The following MS4A15 variants were observed in gnomAD, a reference collection of about 807,000 sequenced individuals.
The protein encoded by MS4A15 is membrane-spanning 4-domains subfamily A member 15.
MS4A15 carries 22 observed loss-of-function variants against 20.6 expected under a neutral mutation model. The ratio of observed to expected loss-of-function variants is 1.07; its 90% CI spans 0.76 to 1.52. MS4A15 has a LOEUF of 1.52. Ranked by LOEUF, MS4A15 falls within the 40% of genes most tolerant of loss-of-function variation. The pLI is 0.00. For missense variants in MS4A15, 312 were observed against 323.0 expected (o/e 0.97, Z 0.26); for synonymous variants, 129 against 129.3 (o/e 1.00, Z 0.02).
At position 60,771,352 on chromosome 11, in the gene MS4A15, G is replaced by A. The variant is rs1287107847; in HGVS notation, c.405+5G>A. ...AAGAACCACACCAGTTGCCTGGTGA[G>A]TGTGAACAGGGGGACCCAGGGGCGG... On this transcript the variant is annotated splice_donor_5th_base_variant and intron_variant, in intron 4 of 6. Coordinates refer to ENST00000405633, the MANE Select transcript of MS4A15 (RefSeq NM_001098835.2). 2 of 1,614,028 alleles carry A rather than the reference G, an allele frequency of 1.2e-6. No individual in the cohort carries two copies. The highest frequency in any genetic ancestry group is 1.7e-6 in the Non-Finnish European group (2 of 1,180,038).
chr11:60,759,830 C>G (rs897452297), intron 1 of MS4A15, among the ~76,000 whole-genome samples: 3 of 152,072 alleles, frequency 2.0e-5, no homozygotes, highest in Non-Finnish European at 4.4e-5. Context: ...ATGCAGATTC[C>G]CTTACTCACA....
At chr11:60,766,750 AAT>A (rs748243294) in intron 2 of MS4A15, among the ~76,000 whole-genome samples, 11 of 152,190 alleles carry the variant, frequency 7.2e-5, no homozygotes, top group Non-Finnish European at 1.6e-4. Context: ...CTGACATGAC[AAT>A]TCTAGTTGTT....
intron 6 of MS4A15, among the ~76,000 whole-genome samples, chr11:60,774,817 G>A (rs1854143906): frequency 6.6e-6 from 1 of 152,232 alleles, no homozygotes; most frequent in African/African-American, 2.4e-5. Context: ...GGTGCACGAT[G>A]GGATGCATTG....
At chr11:60,761,279 T>C (rs1853733161) in intron 1 of MS4A15, among the ~76,000 whole-genome samples, 1 of 152,224 alleles carries the variant, frequency 6.6e-6, no homozygotes, top group Non-Finnish European at 1.5e-5. Flanking sequence ...GCTAAGTGTG[T>C]TACTCTTATT....
intron 1 of MS4A15, 23 bp downstream of exon 1, chr11:60,757,081 G>A (rs1238058711): frequency 6.6e-6 from 1 of 152,226 alleles, no homozygotes; most frequent in Non-Finnish European, 1.5e-5. Flanking sequence ...CCTGACTCCC[G>A]TCAGGAGGAT....
At chr11:60,769,839 A>G (rs1590982805) in intron 3 of MS4A15, among the ~76,000 whole-genome samples, 1 of 151,400 alleles carries the variant, frequency 6.6e-6, no homozygotes, top group Admixed American at 6.6e-5. Context: ...GCTTCTTCCC[A>G]CCCCCATGGC....
intron 1 of MS4A15, among the ~76,000 whole-genome samples, chr11:60,762,690 G>T (rs1358156085): frequency 1.3e-5 from 2 of 152,100 alleles, no homozygotes; most frequent in East Asian, 3.8e-4. Context: ...AGCAATAAAA[G>T]CTTACCTCGC....
At chr11:60,762,016 A>C (rs1469007814) in intron 1 of MS4A15, among the ~76,000 whole-genome samples, 1 of 152,218 alleles carries the variant, frequency 6.6e-6, no homozygotes, top group Non-Finnish European at 1.5e-5. Context: ...AAGGAGATTC[A>C]ACCCTGCAGC....
intron 1 of MS4A15, among the ~76,000 whole-genome samples, chr11:60,760,155 C>T (rs528551817): frequency 6.6e-6 from 1 of 152,348 alleles, no homozygotes; most frequent in South Asian, 2.1e-4. Flanking sequence ...TCTGGGCTAC[C>T]TGGTCCCTTA....
intron 1 of MS4A15, among the ~76,000 whole-genome samples, chr11:60,761,021 T>C (rs1380194971): frequency 1.3e-5 from 2 of 152,204 alleles, no homozygotes; most frequent in East Asian, 3.8e-4. Context: ...GTAATTCTTG[T>C]CCTTTGCCAA....
At chr11:60,774,517 G>A (rs1474816749) in intron 6 of MS4A15, among the ~76,000 whole-genome samples, 8 of 152,234 alleles carry the variant, frequency 5.3e-5, no homozygotes, top group Non-Finnish European at 1.2e-4. Flanking sequence ...CCACTGCTCT[G>A]TGCAGCCCCA....
intron 3 of MS4A15, among the ~76,000 whole-genome samples, chr11:60,769,162 G>C (rs755910005): frequency 1.3e-5 from 2 of 151,724 alleles, no homozygotes; most frequent in South Asian, 2.1e-4. Context: ...TCAAAAATGG[G>C]GGAAGGAACA....
chr11:60,774,535 C>G (rs1300943362), intron 6 of MS4A15, among the ~76,000 whole-genome samples: 1 of 152,216 alleles, frequency 6.6e-6, no homozygotes, highest in Non-Finnish European at 1.5e-5. Flanking sequence ...CCACAGGCAG[C>G]CTTGCAGAAT....
rs1371189063 is a variant in MS4A15 at position 60,770,835 on chromosome 11, A to G, written c.349-456A>G. Among the ~76,000 whole-genome samples, 3 of 151,826 alleles carry G rather than the reference A, an allele frequency of 2.0e-5. No individual in the cohort carries two copies. In the East Asian group the frequency reaches 6.0e-4, roughly 30 times the overall value. ...ATCCTTGCTCCTTAGCCTCCCGAGT[A>G]GGTGGGATTACAGGTGCACGCCACT... On this transcript the variant is annotated intron_variant, in intron 3 of 6. Coordinates refer to ENST00000405633, the MANE Select transcript of MS4A15 (RefSeq NM_001098835.2).
At chr11:60,771,000 G>A (rs1854021066) in intron 3 of MS4A15, among the ~76,000 whole-genome samples, 1 of 152,164 alleles carries the variant, frequency 6.6e-6, no homozygotes, top group Non-Finnish European at 1.5e-5. Flanking sequence ...AGCTCACTCA[G>A]TTCAGCCTCA....
chr11:60,771,568 G>A, intron 4 of MS4A15: 1 of 1,526,656 alleles, frequency 6.6e-7, no homozygotes, highest in Non-Finnish European at 8.8e-7. Flanking sequence ...AGCCAGGGTG[G>A]AAAGTGAGGT....
chr11:60,775,637 A>G lies in MS4A15; in HGVS notation c.645A>G (p.Ala215=), dbSNP rs199975897. The change falls in exon 7 of 7, where the codon GCA becomes GCG. Residue 215 remains alanine, a synonymous_variant. Transcript: ENST00000405633. ...PVIFLPNAFS[A]DFNIPSPAAS... is the part of the protein sequence containing the mutation. ...TCTTCCTGCCAAACGCCTTCAGCGCAGACTTCAACATCCCCAGCCCGGCAG... is the reference window on the plus strand; with the variant it reads ...TCTTCCTGCCAAACGCCTTCAGCGCGGACTTCAACATCCCCAGCCCGGCAG... 4.3e-6 allele frequency: 7 copies of G among 1,614,006 alleles called. No individual in the cohort carries two copies. The African/African-American group carries it at 5.3e-5, about 12-fold the overall frequency.
chr11:60,773,916 T>C lies in MS4A15; in HGVS notation c.578T>C (p.Phe193Ser). 1 of 1,614,120 alleles carries C rather than the reference T, an allele frequency of 6.2e-7. No individual in the cohort carries two copies. The highest frequency in any genetic ancestry group is 8.5e-7 in the Non-Finnish European group (1 of 1,180,024). Residue 193 changes from phenylalanine to serine, a missense_variant, in exon 6 of 7, where the codon TTC (phenylalanine) becomes TCC (serine). Transcript: ENST00000405633. ...EFFTAVIAMH[F>S]GCQAIHAQAS... ...TTCACAGCGGTCATTGCCATGCACTTCGGGTGCCAAGCCATCCATGCCCAG... is the reference window on the plus strand; with the variant it reads ...TTCACAGCGGTCATTGCCATGCACTCCGGGTGCCAAGCCATCCATGCCCAG...
rs188536266 is a variant in MS4A15 at position 60,775,538 on chromosome 11, G to C, written c.613-67G>C. The C allele has an allele frequency of 1.5e-5, 19 of 1,267,114 alleles. No homozygotes were observed. In the Middle Eastern group the frequency reaches 6.5e-4, roughly 43 times the overall value. 78.5% of individuals were successfully genotyped at this position (1,267,114 alleles called of 1,614,324 possible). On this transcript the variant is annotated intron_variant, in intron 6 of 6. Transcript: ENST00000405633. Reference sequence around the variant, plus strand: ...CTGTTCTCAGATTACCCACAAGGGGGCACTATTGAACCACTACCCTGAAGC... The same window carrying C: ...CTGTTCTCAGATTACCCACAAGGGGCCACTATTGAACCACTACCCTGAAGC...
Sources: allele counts gnomAD v4.1 joint callset (sites outside exome capture counted in the v4.1 genomes callset), GRCh38; gene constraint gnomAD v4.1.1; transcripts MANE v1.5; gene names NCBI Gene and HGNC (gene_info 2026-07-23, HGNC 2026-07-21).